METTL15: variants seen among roughly 807,000 people sequenced by gnomAD.
The protein encoded by METTL15 is 12S rRNA N(4)-cytidine methyltransferase METTL15.
METTL15 carries 34 observed loss-of-function variants against 38.3 expected under a neutral mutation model. The observed-to-expected ratio is 0.89, with a 90% CI of 0.68 to 1.18. The LOEUF (loss-of-function observed/expected upper bound fraction) is 1.18, where lower values mean the gene tolerates loss of function less well. Ranked by LOEUF, METTL15 falls within the 50% of genes most tolerant of loss-of-function variation. The pLI, the probability that METTL15 is intolerant of heterozygous loss-of-function variation, is 0.00. For synonymous variants in METTL15, 162 were observed against 170.9 expected, an observed-to-expected ratio of 0.95 and a Z score of 0.41; for missense variants, 438 against 498.4, an observed-to-expected ratio of 0.88 and a Z score of 1.15.
In METTL15 at chr11:28,511,411, T is replaced by G. The variant is rs139673967; in HGVS notation, c.*425-15067T>G. ...GAATCATAAGGAAGAGAAAATGTGT[T>G]TACTATTGTGTTCGGAATTGGTGGG... On this transcript the variant is annotated intron_variant and NMD_transcript_variant, in intron 6 of 7. Transcript: ENST00000532947. 4.6e-5 allele frequency among the ~76,000 whole-genome samples: 7 copies of G among 152,340 alleles called. No individual in the cohort carries two copies. In the East Asian group the frequency reaches 1.3e-3, roughly 29 times the overall value.
In METTL15 at chr11:28,279,166, A is replaced by G. The variant is rs139132453; in HGVS notation, c.408-11040A>G. 9.9e-5 allele frequency among the ~76,000 whole-genome samples: 15 copies of G among 152,164 alleles called. No homozygotes were observed. The South Asian group carries it at 1.2e-3, about 13-fold the overall frequency. ...ATGTAATGTCTTTTTTGAATTTTGT[A>G]TCAGGGTTATATGATGACCTGGTGA... On this transcript the variant is annotated intron_variant, in intron 4 of 6. Transcript: ENST00000407364.
rs1856257704 is a variant in METTL15, at chr11:28,286,223, C to A, written c.408-3983C>A. The stretch of plus-strand genomic sequence containing the variant: ...TCTTCTTCCTCTGGGAAACTTCAGG[C>A]CTTTCAACTGATTGGATGAGGCACA... On this transcript the variant is annotated intron_variant, in intron 4 of 6. Transcript: ENST00000407364. Among the ~76,000 whole-genome samples, 4 of 152,180 alleles carry A rather than the reference C, an allele frequency of 2.6e-5. No homozygotes were observed. In the South Asian group the frequency reaches 6.2e-4, roughly 24 times the overall value.
chr11:28,322,911 A>G (rs1849517787), intron 6 of METTL15, among the ~76,000 whole-genome samples: 1 of 152,212 alleles, frequency 6.6e-6, no homozygotes, highest in South Asian at 2.1e-4. Context: ...CACTACAAAC[A>G]TTTGTTAAAT....
chr11:28,239,283 C>T (rs1432501078), intron 4 of METTL15, among the ~76,000 whole-genome samples: 2 of 152,208 alleles, frequency 1.3e-5, no homozygotes, highest in Admixed American at 6.5e-5. Flanking sequence ...TCCAGCCCAT[C>T]TGTTAAGGGC....
chr11:28,379,467 A>C (rs891304191), intron 5 of METTL15, among the ~76,000 whole-genome samples: 3 of 152,074 alleles, frequency 2.0e-5, no homozygotes, highest in Non-Finnish European at 4.4e-5. Flanking sequence ...TCATTGACCC[A>C]TTGATCAGTC....
intron 6 of METTL15, among the ~76,000 whole-genome samples, chr11:28,433,661 T>G (rs1850956292): frequency 6.6e-6 from 1 of 152,184 alleles, no homozygotes; most frequent in African/African-American, 2.4e-5. Flanking sequence ...TTTAATTATT[T>G]GGTTCTTCAT....
Position 28,397,648 on chromosome 11 carries a change from A to C in METTL15, c.*359-26651A>C, listed in dbSNP as rs563075330. Among the ~76,000 whole-genome samples, 30 of 151,996 alleles carry C rather than the reference A, an allele frequency of 2.0e-4. 1 individual carries two copies. The highest frequency in any genetic ancestry group is 6.8e-3 in the Middle Eastern group (2 of 292). ...ACTTTTACACTGTTGGTGGGACTGT[A>C]AACTAGTTCAACCATTGTGGAAGTC... On this transcript the variant is annotated intron_variant and NMD_transcript_variant, in intron 5 of 7. Transcript: ENST00000532947.
intron 6 of METTL15, among the ~76,000 whole-genome samples, chr11:28,433,158 G>GTTTTTTTTTTTTTT (rs1564930335): frequency 8.8e-6 from 1 of 113,626 alleles, no homozygotes. Flanking sequence ...CTCAGGTTTT[G>GTTTTTTTTTTTTTT]TTTTGTTTTT....
intron 3 of METTL15, among the ~76,000 whole-genome samples, chr11:28,147,243 A>G (rs1460525290): frequency 5.3e-5 from 8 of 151,924 alleles, no homozygotes; most frequent in African/African-American, 1.9e-4. Context: ...CAATATCTGT[A>G]TAATAAACAC....
chr11:28,174,181 G>A lies in METTL15; in HGVS notation c.271-36881G>A, dbSNP rs184096382. On this transcript the variant is annotated intron_variant, in intron 3 of 6. Coordinates refer to ENST00000407364, the MANE Select transcript of METTL15 (RefSeq NM_001113528.2). ...TGGAATTTTTCTACACAGGCAATTCGTCTCTTCTCCATTTATTTGTTTGTC... is the reference window on the plus strand; with the variant it reads ...TGGAATTTTTCTACACAGGCAATTCATCTCTTCTCCATTTATTTGTTTGTC... 8.5e-5 allele frequency among the ~76,000 whole-genome samples: 13 copies of A among 152,208 alleles called. No individual in the cohort carries two copies. The East Asian group carries it at 2.1e-3, about 25-fold the overall frequency.
intron 3 of METTL15, among the ~76,000 whole-genome samples, chr11:28,141,499 A>G (rs536600104): frequency 1.1e-4 from 16 of 152,164 alleles, no homozygotes; most frequent in Admixed American, 9.8e-4. Flanking sequence ...CCTTGGCAAC[A>G]TAGTGAAACC....
intron 6 of METTL15, among the ~76,000 whole-genome samples, chr11:28,424,899 C>T (rs1220232270): frequency 6.6e-6 from 1 of 152,126 alleles, no homozygotes; most frequent in Non-Finnish European, 1.5e-5. Context: ...AAGCAGAAAA[C>T]GTATGTTTAC....
intron 5 of METTL15, among the ~76,000 whole-genome samples, chr11:28,293,416 T>G (rs1856601549): frequency 2.0e-5 from 3 of 152,178 alleles, no homozygotes; most frequent in Admixed American, 2.0e-4. Flanking sequence ...TTGATCTATG[T>G]CTCTGTTTTG....
intron 5 of METTL15, among the ~76,000 whole-genome samples, chr11:28,373,017 C>G (rs187617647): frequency 6.6e-6 from 1 of 151,814 alleles, no homozygotes; most frequent in African/African-American, 2.4e-5. Context: ...TCCAGTCTAT[C>G]ATTATTGGAC....
rs1012810576 is a variant in METTL15 at position 28,438,105 on chromosome 11, T to A, written c.*424+13741T>A. ...TTATTCCTATTTTAAGAAGTTACAC[T>A]TTACATTACATTAGAAAATAATTTC... is the stretch of plus-strand genomic sequence containing the variant. On this transcript the variant is annotated intron_variant and NMD_transcript_variant, in intron 6 of 7. Coordinates refer to the METTL15 transcript ENST00000532947. Among the ~76,000 whole-genome samples, 6 of 152,252 alleles carry A rather than the reference T, an allele frequency of 3.9e-5. 1 individual carries two copies. The highest frequency in any genetic ancestry group is 1.4e-4 in the African/African-American group (6 of 41,472).
chr11:28,281,806 A>C (rs1479353301), intron 4 of METTL15, among the ~76,000 whole-genome samples: 1 of 152,124 alleles, frequency 6.6e-6, no homozygotes, highest in East Asian at 1.9e-4. Context: ...CCTGAGATGA[A>C]TATGTCTGCA....
intron 3 of METTL15, chr11:28,125,469 A>G (rs980699196): frequency 6.6e-6 from 1 of 152,068 alleles, no homozygotes; most frequent in Non-Finnish European, 1.5e-5. Flanking sequence ...ACGAGTATCC[A>G]TCCAAAACTC....
At chr11:28,389,929 T>G (rs1379307820) in intron 5 of METTL15, among the ~76,000 whole-genome samples, 2 of 152,102 alleles carry the variant, frequency 1.3e-5, no homozygotes, top group African/African-American at 4.8e-5. Flanking sequence ...CCATTCTAAC[T>G]GGTATGAGAT....
At chr11:28,237,383 A>G (rs534037964) in intron 4 of METTL15, among the ~76,000 whole-genome samples, 5 of 151,896 alleles carry the variant, frequency 3.3e-5, no homozygotes, top group Non-Finnish European at 7.4e-5. Flanking sequence ...CTTTCTTCCA[A>G]TTGATCGCAT....
Sources: allele counts gnomAD v4.1 joint callset (sites outside exome capture counted in the v4.1 genomes callset), GRCh38; gene constraint gnomAD v4.1.1; transcripts MANE v1.5; gene names NCBI Gene and HGNC (gene_info 2026-07-23, HGNC 2026-07-21).